ARL15: variants seen among roughly 807,000 people sequenced by gnomAD.
The protein encoded by ARL15 is ADP-ribosylation factor-like protein 15.
ARL15 carries 19 observed loss-of-function variants against 25.2 expected under a neutral mutation model. The ratio of observed to expected loss-of-function variants is 0.75; its 90% CI spans 0.53 to 1.10. ARL15 has a LOEUF of 1.10. Ranked by LOEUF, ARL15 falls within the 50% of genes least tolerant of loss-of-function variation. The probability of loss-of-function intolerance (pLI) is 0.00; values close to 1 mark genes in which losing one functional copy is unlikely to be tolerated. For missense variants in ARL15, 220 were observed against 246.0 expected, an observed-to-expected ratio of 0.89 and a Z score of 0.71; for synonymous variants, 94 against 86.8, an observed-to-expected ratio of 1.08 and a Z score of -0.46.
chr5:54,135,451 G>C (rs1274137473), intron 3 of ARL15, among the ~76,000 whole-genome samples: 4 of 152,144 alleles, frequency 2.6e-5, no homozygotes, highest in African/African-American at 9.7e-5. Flanking sequence ...TGAAGAAATG[G>C]AAGATAATTA....
At chr5:53,909,730 A>G (rs1745391613) in intron 4 of ARL15, among the ~76,000 whole-genome samples, 1 of 152,178 alleles carries the variant, frequency 6.6e-6, no homozygotes, top group Non-Finnish European at 1.5e-5. Flanking sequence ...ATAATAAAAT[A>G]AAACAAAACA....
intron 1 of ARL15, among the ~76,000 whole-genome samples, chr5:54,242,796 C>G (rs756406063): frequency 3.9e-5 from 6 of 151,952 alleles, no homozygotes; most frequent in Non-Finnish European, 7.4e-5. Flanking sequence ...CCTTTTTTTC[C>G]TAGGTCAGTT....
chr5:54,218,074 T>A (rs13189854), intron 1 of ARL15, among the ~76,000 whole-genome samples: 1 of 152,138 alleles, frequency 6.6e-6, no homozygotes, highest in Non-Finnish European at 1.5e-5. Context: ...TACCGACAAC[T>A]TTTACCAGTG....
chr5:54,232,402 G>T (rs1434626678), intron 1 of ARL15, among the ~76,000 whole-genome samples: 1 of 152,168 alleles, frequency 6.6e-6, no homozygotes, highest in East Asian at 1.9e-4. Context: ...AGAAAAACAG[G>T]AAGGGAAGGA....
chr5:53,973,295 C>T (rs551169984), intron 4 of ARL15, among the ~76,000 whole-genome samples: 8 of 152,098 alleles, frequency 5.3e-5, no homozygotes, highest in Admixed American at 3.3e-4. Context: ...AAAATTAGGC[C>T]GGGCATGGTG....
At chr5:54,259,673 A>G (rs1228596719) in intron 1 of ARL15, among the ~76,000 whole-genome samples, 1 of 152,172 alleles carries the variant, frequency 6.6e-6, no homozygotes, top group Non-Finnish European at 1.5e-5. Flanking sequence ...AATGACTACA[A>G]TAACTCTTCT....
At chr5:53,906,027 A>G (rs1306709760) in intron 4 of ARL15, among the ~76,000 whole-genome samples, 2 of 152,230 alleles carry the variant, frequency 1.3e-5, no homozygotes, top group Non-Finnish European at 2.9e-5. Flanking sequence ...CTCTAGAGAA[A>G]TCAGTATTTC....
At chr5:53,996,263 T>C (rs1748666447) in intron 4 of ARL15, among the ~76,000 whole-genome samples, 1 of 152,210 alleles carries the variant, frequency 6.6e-6, no homozygotes, top group African/African-American at 2.4e-5. Flanking sequence ...GGGGAGCCTC[T>C]GGTTGACGAA....
At chr5:53,946,377 A>G (rs982812574) in intron 4 of ARL15, among the ~76,000 whole-genome samples, 1 of 148,152 alleles carries the variant, frequency 6.7e-6, no homozygotes, top group East Asian at 2.1e-4. Context: ...TTGTACTTGG[A>G]AGGCGGAGGT....
intron 4 of ARL15, among the ~76,000 whole-genome samples, chr5:53,889,940 G>A (rs1247382932): frequency 4.0e-5 from 6 of 151,450 alleles, no homozygotes; most frequent in African/African-American, 7.3e-5. Flanking sequence ...AGACTCCCAC[G>A]GAGCGGAGAT....
intron 4 of ARL15, among the ~76,000 whole-genome samples, chr5:54,081,680 C>T (rs1258290023): frequency 1.3e-5 from 2 of 152,168 alleles, no homozygotes; most frequent in African/African-American, 4.8e-5. Flanking sequence ...GCCTTGCTTC[C>T]TCTTCGCCTT....
intron 4 of ARL15, among the ~76,000 whole-genome samples, chr5:54,005,190 C>T (rs186972019): frequency 3.9e-5 from 6 of 152,004 alleles, no homozygotes; most frequent in South Asian, 4.2e-4. Context: ...ACTGAGGCTT[C>T]GTGAGGCTAA....
chr5:53,908,848 A>G (rs904298983), intron 4 of ARL15, among the ~76,000 whole-genome samples: 1 of 152,206 alleles, frequency 6.6e-6, no homozygotes, highest in Non-Finnish European at 1.5e-5. Context: ...GGTGTGTAGG[A>G]TATATTCAGA....
chr5:54,074,470 GA>G (rs761030847), intron 4 of ARL15, among the ~76,000 whole-genome samples: 5 of 147,946 alleles, frequency 3.4e-5, no homozygotes, highest in Non-Finnish European at 7.7e-5. Context: ...TGAGAAGAAG[GA>G]AGAAGAATAA....
intron 1 of ARL15, among the ~76,000 whole-genome samples, chr5:54,251,924 C>T (rs888236554): frequency 6.6e-6 from 1 of 152,210 alleles, no homozygotes; most frequent in African/African-American, 2.4e-5. Context: ...CTTTTGCTGC[C>T]CATGGGATTC....
intron 1 of ARL15, among the ~76,000 whole-genome samples, chr5:54,202,532 C>T (rs1755752855): frequency 6.6e-6 from 1 of 152,156 alleles, no homozygotes; most frequent in South Asian, 2.1e-4. Flanking sequence ...AGGGAATCTC[C>T]TCTAAAGGAA....
At chr5:53,990,349 G>C (rs1351898093) in intron 4 of ARL15, among the ~76,000 whole-genome samples, 1 of 152,152 alleles carries the variant, frequency 6.6e-6, no homozygotes, top group Non-Finnish European at 1.5e-5. Flanking sequence ...CAGATGATAA[G>C]CCAGGTAAAA....
intron 3 of ARL15, among the ~76,000 whole-genome samples, chr5:54,150,535 T>C (rs1219284624): frequency 6.6e-6 from 1 of 152,186 alleles, no homozygotes; most frequent in Non-Finnish European, 1.5e-5. Flanking sequence ...GCGCAGTGGC[T>C]TATGTCTGTA....
At chr5:53,972,882 C>T (rs1328129937) in intron 4 of ARL15, among the ~76,000 whole-genome samples, 1 of 152,138 alleles carries the variant, frequency 6.6e-6, no homozygotes, top group Admixed American at 6.5e-5. Context: ...CTGTTACGTA[C>T]TGGAAGTGAT....
Sources: gnomAD v4.1 joint callset for allele counts (sites outside exome capture counted in the v4.1 genomes callset) on GRCh38, gnomAD v4.1.1 for gene constraint, MANE v1.5 for transcripts, NCBI Gene and HGNC (gene_info 2026-07-23, HGNC 2026-07-21) for gene names.